The following PCDH9 variants were observed in gnomAD, a reference collection of about 807,000 sequenced individuals.
PCDH9 encodes the protein protocadherin 9.
Under a neutral mutation model 70.6 loss-of-function variants are expected in PCDH9, and 24 were observed. That is an observed-to-expected ratio of 0.34 (90% CI 0.25 to 0.48). The LOEUF (loss-of-function observed/expected upper bound fraction) is 0.48, where lower values mean the gene tolerates loss of function less well. Ranked by LOEUF, PCDH9 falls within the 20% of genes least tolerant of loss-of-function variation. PCDH9 has a pLI of 0.99. For missense variants in PCDH9, 1,281 were observed against 1,503.6 expected, an observed-to-expected ratio of 0.85 and a Z score of 2.45; for synonymous variants, 562 against 558.5, an observed-to-expected ratio of 1.01 and a Z score of -0.09.
At chr13:66,331,729 A>G (rs1254754498) in intron 4 of PCDH9, among the ~76,000 whole-genome samples, 1 of 152,174 alleles carries the variant, frequency 6.6e-6, no homozygotes, top group African/African-American at 2.4e-5. Flanking sequence ...TATCCCCTTG[A>G]GGGTTACACT....
chr13:67,007,303 G>C (rs1415057245), intron 2 of PCDH9, among the ~76,000 whole-genome samples: 1 of 151,890 alleles, frequency 6.6e-6, no homozygotes, highest in African/African-American at 2.4e-5. Context: ...AGTATTAAAA[G>C]ATAAAATTTT....
intron 4 of PCDH9, among the ~76,000 whole-genome samples, chr13:66,412,830 AGTGG>A (rs1213301239): frequency 6.6e-6 from 1 of 152,152 alleles, no homozygotes; most frequent in Non-Finnish European, 1.5e-5. Flanking sequence ...GGCATGACTG[AGTGG>A]ACCGGAGGCT....
chr13:66,880,506 A>G (rs1362713212), intron 3 of PCDH9, among the ~76,000 whole-genome samples: 1 of 152,200 alleles, frequency 6.6e-6, no homozygotes, highest in Non-Finnish European at 1.5e-5. Flanking sequence ...TAGTAGAAAA[A>G]CAAATAATTA....
chr13:66,903,683 T>C (rs2139599218), intron 2 of PCDH9, 78 bp from the exon 3 acceptor site: 1 of 628,142 alleles, frequency 1.6e-6, no homozygotes, highest in Non-Finnish European at 2.9e-6. Context: ...CTGTTTGCTA[T>C]GAGCCTAATA....
chr13:66,989,700 T>G (rs1012746597), intron 2 of PCDH9, among the ~76,000 whole-genome samples: 6 of 151,920 alleles, frequency 3.9e-5, no homozygotes, highest in Admixed American at 6.6e-5. Context: ...TAAATTATTG[T>G]TAAAATTTAC....
chr13:66,771,690 T>A (rs2079809102), intron 3 of PCDH9, among the ~76,000 whole-genome samples: 1 of 152,210 alleles, frequency 6.6e-6, no homozygotes, highest in South Asian at 2.1e-4. Context: ...CAACTCGAAC[T>A]AGGTTCAAAT....
chr13:66,999,862 T>C (rs1237187873), intron 2 of PCDH9, among the ~76,000 whole-genome samples: 4 of 152,114 alleles, frequency 2.6e-5, no homozygotes, highest in Admixed American at 6.5e-5. Context: ...TGTGGAGAAA[T>C]AGGAACACTA....
intron 3 of PCDH9, among the ~76,000 whole-genome samples, chr13:66,761,231 C>G (rs184244723): frequency 1.1e-3 from 168 of 152,170 alleles, no homozygotes; most frequent in African/African-American, 4.0e-3. Flanking sequence ...TGTGATGTCA[C>G]CCCCGGAAAC....
rs1593901794 is a variant in PCDH9 at position 66,691,588 on chromosome 13, A to C, written c.3139-60177T>G. Among the ~76,000 whole-genome samples, 3 of 152,326 alleles carry C rather than the reference A, an allele frequency of 2.0e-5. No individual in the cohort carries two copies. In the East Asian group the frequency reaches 5.8e-4, roughly 29 times the overall value. On this transcript the variant is annotated intron_variant, in intron 3 of 4. Coordinates refer to ENST00000377865, the MANE Select transcript of PCDH9 (RefSeq NM_203487.3). The stretch of plus-strand genomic sequence containing the variant: ...TGTGATAAGCAATAGAAAAAAAATA[A>C]ACATAGATGCCTTTGCCTCTGAAAA...
chr13:67,169,417 C>T (rs374868816), intron 2 of PCDH9, among the ~76,000 whole-genome samples: 10 of 152,232 alleles, frequency 6.6e-5, no homozygotes, highest in East Asian at 1.9e-4. Flanking sequence ...ATACAAAATT[C>T]GTTCCAATTT....
chr13:66,753,492 AT>A (rs1385147880), intron 3 of PCDH9, among the ~76,000 whole-genome samples: 1 of 152,172 alleles, frequency 6.6e-6, no homozygotes, highest in African/African-American at 2.4e-5. Context: ...AATGAAAATT[AT>A]TTTTTAATGT....
intron 4 of PCDH9, among the ~76,000 whole-genome samples, chr13:66,326,953 T>G (rs1167865952): frequency 6.6e-6 from 1 of 152,148 alleles, no homozygotes; most frequent in Admixed American, 6.5e-5. Flanking sequence ...ACTTATAATC[T>G]GGGCTTCTTG....
chr13:67,129,388 TA>T (rs34627700), intron 2 of PCDH9, among the ~76,000 whole-genome samples: 1 of 152,124 alleles, frequency 6.6e-6, no homozygotes, highest in Admixed American at 6.6e-5. Flanking sequence ...GACATGTGCA[TA>T]AAAAATACGT....
chr13:66,687,525 T>C (rs572032800), intron 3 of PCDH9, among the ~76,000 whole-genome samples: 1 of 150,984 alleles, frequency 6.6e-6, no homozygotes, highest in East Asian at 2.0e-4. Context: ...GTTTTATACA[T>C]CAAATTTTGA....
chr13:67,043,742 G>T (rs2085167785), intron 2 of PCDH9, among the ~76,000 whole-genome samples: 1 of 152,132 alleles, frequency 6.6e-6, no homozygotes, highest in South Asian at 2.1e-4. Context: ...AAAATGGCCA[G>T]CCGAGCTCTG....
At chr13:66,907,078 C>A (rs993294977) in intron 2 of PCDH9, among the ~76,000 whole-genome samples, 4 of 151,940 alleles carry the variant, frequency 2.6e-5, no homozygotes, top group Non-Finnish European at 4.4e-5. Context: ...GTGGTGCATG[C>A]CTGTAATCCC....
At chr13:66,673,282 C>T (rs1036747465) in intron 3 of PCDH9, among the ~76,000 whole-genome samples, 6 of 152,178 alleles carry the variant, frequency 3.9e-5, no homozygotes, top group Admixed American at 3.3e-4. Flanking sequence ...CCTGCACATG[C>T]TCTCTTGCTT....
intron 4 of PCDH9, among the ~76,000 whole-genome samples, chr13:66,416,016 C>G (rs1003489368): frequency 6.6e-6 from 1 of 152,134 alleles, no homozygotes; most frequent in Non-Finnish European, 1.5e-5. Context: ...TAGACTACTG[C>G]AAAACATTAA....
chr13:66,340,672 A>G (rs1956109497), intron 4 of PCDH9, among the ~76,000 whole-genome samples: 1 of 152,160 alleles, frequency 6.6e-6, no homozygotes, highest in South Asian at 2.1e-4. Context: ...TCCATGGTTA[A>G]TTCATTTAAT....
Sources: gnomAD v4.1 joint callset for allele counts (sites outside exome capture counted in the v4.1 genomes callset) on GRCh38, gnomAD v4.1.1 for gene constraint, MANE v1.5 for transcripts, NCBI Gene and HGNC (gene_info 2026-07-23, HGNC 2026-07-21) for gene names.